The following IRF4 variants were observed in gnomAD, a reference collection of about 807,000 sequenced individuals.
IRF4 encodes the protein lymphocyte-specific interferon regulatory factor.
A neutral mutation model predicts 55.5 loss-of-function variants in IRF4; 13 were observed. That is an observed-to-expected ratio of 0.23 (90% CI 0.15 to 0.37). IRF4 has a LOEUF of 0.37. Ranked by LOEUF, IRF4 falls within the 10% of genes least tolerant of loss-of-function variation. The pLI is 1.00. For missense variants in IRF4, 397 were observed against 593.8 expected, an observed-to-expected ratio of 0.67 and a Z score of 3.44; for synonymous variants, 249 against 240.7, an observed-to-expected ratio of 1.03 and a Z score of -0.32.
chr6:408,138 G>A lies in IRF4; in HGVS notation c.*540G>A. 1 of 240,892 alleles carries A rather than the reference G, an allele frequency of 4.2e-6. No homozygotes were observed. Among genetic ancestry groups the A allele is most frequent in the Non-Finnish European group, 8.1e-6 (1 of 123,464 alleles). The allele number at this position is 240,892 out of a possible 1,614,324, so 14.9% of individuals were successfully genotyped here. A position where few individuals can be genotyped will look rare whatever the true frequency, so the allele number is the denominator to read the frequency against. On this transcript the variant is annotated 3_prime_UTR_variant, in exon 9 of 9. Coordinates refer to ENST00000380956, the MANE Select transcript of IRF4 (RefSeq NM_002460.4). ...GAAGACAGAGAAAACTTGCCTTTCAGTATTGACACTGACTAGAGTGATGAC... is the reference window on the plus strand; with the variant it reads ...GAAGACAGAGAAAACTTGCCTTTCAATATTGACACTGACTAGAGTGATGAC...
chr6:395,669 A>G (rs992778354), intron 3 of IRF4, among the ~76,000 whole-genome samples, 178 bp from the exon 4 acceptor site: 4 of 152,252 alleles, frequency 2.6e-5, no homozygotes, highest in Non-Finnish European at 5.9e-5. Flanking sequence ...GAAAAAAATC[A>G]GTTTAATAGC....
intron 1 of IRF4, among the ~76,000 whole-genome samples, chr6:392,687 T>C (rs1193571532): frequency 1.8e-5 from 2 of 109,602 alleles, no homozygotes; most frequent in Non-Finnish European, 1.9e-5. Flanking sequence ...ACTGACAGAG[T>C]CGCGGGGAAG....
At position 395,510 on chromosome 6, in the gene IRF4, A is replaced by G. The variant is rs367781015; in HGVS notation, c.404-337A>G. The stretch of plus-strand genomic sequence containing the variant: ...AGATTCTGACCAGTGTGTCTGGAAG[A>G]GAGCTCAGGAATCTGCATCTGGAAC... On this transcript the variant is annotated intron_variant, in intron 3 of 8. Coordinates refer to ENST00000380956, the MANE Select transcript of IRF4 (RefSeq NM_002460.4). Among the ~76,000 whole-genome samples the G allele has an allele frequency of 1.7e-4, 26 of 152,290 alleles. 1 individual carries two copies. Among genetic ancestry groups the G allele is most frequent in the Admixed American group, 7.2e-4 (11 of 15,294 alleles).
Position 393,254 on chromosome 6 carries a change from C to T in IRF4, c.102C>T (p.Ser34=), listed in dbSNP as rs1319408734. ...LRQWLIDQID[S]GKYPGLVWEN... ...AGTGGCTGATCGACCAGATCGACAGCGGCAAGTACCCCGGGCTGGTGTGGG... is the reference window on the plus strand; with the variant it reads ...AGTGGCTGATCGACCAGATCGACAGTGGCAAGTACCCCGGGCTGGTGTGGG... Residue 34 remains serine (S), a synonymous_variant, in exon 2 of 9, where the codon AGC becomes AGT. Transcript: ENST00000380956. This position sits in a 1 kb window ranked among gnomAD's most constrained non-coding sequence, Gnocchi z 5.4. The T allele has an allele frequency of 8.2e-6, 13 of 1,590,152 alleles. No individual in the cohort carries two copies. The highest frequency in any genetic ancestry group is 1.1e-5 in the Non-Finnish European group (13 of 1,168,392).
Position 407,694 on chromosome 6 carries a change from A to T in IRF4, c.*96A>T. ...TGCTCTGTCTCCCAGGCTGGAGTGC[A>T]GTGACACAATCTCAGCTCACTGTGA... On this transcript the variant is annotated 3_prime_UTR_variant, in exon 9 of 9. Coordinates refer to ENST00000380956, the MANE Select transcript of IRF4 (RefSeq NM_002460.4). The T allele has an allele frequency of 3.5e-6, 4 of 1,153,756 alleles. No individual in the cohort carries two copies. Among genetic ancestry groups the T allele is most frequent in the Non-Finnish European group, 1.2e-6 (1 of 824,798 alleles). 71.5% of individuals were successfully genotyped at this position (1,153,756 alleles called of 1,614,324 possible).
rs1036909891 is a variant in IRF4 at position 408,257 on chromosome 6, G to A, written c.*659G>A. 1 of 232,218 alleles carries A rather than the reference G, an allele frequency of 4.3e-6. No individual in the cohort carries two copies. Among genetic ancestry groups the A allele is most frequent in the African/African-American group, 2.2e-5 (1 of 45,262 alleles). 14.4% of individuals were successfully genotyped at this position (232,218 alleles called of 1,614,324 possible). A position where few individuals can be genotyped will look rare whatever the true frequency, so the allele number is the denominator to read the frequency against. On this transcript the variant is annotated 3_prime_UTR_variant, in exon 9 of 9. Transcript: ENST00000380956. ...AAGAAATGTATTAATGTATGTAGGAGCTGCAGTTCTTGTGGAAGACACTTG... is the reference window on the plus strand; with the variant it reads ...AAGAAATGTATTAATGTATGTAGGAACTGCAGTTCTTGTGGAAGACACTTG...
intron 1 of IRF4, among the ~76,000 whole-genome samples, chr6:392,233 G>A (rs1684660841): frequency 6.6e-6 from 1 of 152,256 alleles, no homozygotes; most frequent in South Asian, 2.1e-4. Flanking sequence ...CGTTCCTAAG[G>A]GGCCCAAGCT....
At position 400,254 on chromosome 6, in the gene IRF4, G is replaced by A. The variant is rs115871680; in HGVS notation, c.746-1170G>A. Among the ~76,000 whole-genome samples, 1,504 of 152,260 alleles carry A rather than the reference G, an allele frequency of 9.9e-3. 27 individuals carry two copies. Among genetic ancestry groups the A allele is most frequent in the African/African-American group, 0.034 (1,412 of 41,552 alleles). ...TTATCAGCCATGAGCACATTTATTAGATAACTGTGATTCCCATTGATTTTG... is the reference window on the plus strand; with the variant it reads ...TTATCAGCCATGAGCACATTTATTAAATAACTGTGATTCCCATTGATTTTG... On this transcript the variant is annotated intron_variant, in intron 6 of 8. Transcript: ENST00000380956.
At chr6:398,355 T>C (rs1308133998) in intron 5 of IRF4, among the ~76,000 whole-genome samples, 1 of 152,240 alleles carries the variant, frequency 6.6e-6, no homozygotes, top group Non-Finnish European at 1.5e-5. Context: ...TCATGTTTCA[T>C]ACAACATTGT....
At chr6:392,428 C>T (rs1761130285) in intron 1 of IRF4, among the ~76,000 whole-genome samples, 2 of 152,266 alleles carry the variant, frequency 1.3e-5, no homozygotes, top group African/African-American at 4.8e-5. Context: ...GGGCCTGCTC[C>T]GGGGTCCGGC....
chr6:392,483 C>A (rs113328259), intron 1 of IRF4, among the ~76,000 whole-genome samples: 3,274 of 152,366 alleles, frequency 0.021, 103 homozygotes, highest in African/African-American at 0.073. Flanking sequence ...CTGCAGCCCC[C>A]GCGTCTGCGC....
chr6:401,844 C>A, intron 7 of IRF4, 67 bp downstream of exon 7: 1 of 1,432,594 alleles, frequency 7.0e-7, no homozygotes, highest in Non-Finnish European at 9.7e-7. Flanking sequence ...GGTCAGAAAC[C>A]ACAGGGTCCC....
intron 6 of IRF4, 58 bp downstream of exon 6, chr6:398,993 C>G: frequency 8.0e-7 from 1 of 1,256,052 alleles, no homozygotes; most frequent in Non-Finnish European, 1.1e-6. Flanking sequence ...GCTGCCAGCT[C>G]TGTCATCTTT....
intron 8 of IRF4, 118 bp from the exon 9 acceptor site, chr6:407,337 T>G: frequency 2.2e-6 from 2 of 922,786 alleles, no homozygotes; most frequent in Non-Finnish European, 3.2e-6. Context: ...TGTTTTGATG[T>G]GTTCTAGGAT....
intron 6 of IRF4, among the ~76,000 whole-genome samples, chr6:400,718 G>A (rs1023713400): frequency 1.3e-5 from 2 of 151,658 alleles, no homozygotes. Context: ...ATGTGTGTAT[G>A]TGAGTGTGTT....
At chr6:406,105 C>A (rs1761536472) in intron 8 of IRF4, among the ~76,000 whole-genome samples, 1 of 152,184 alleles carries the variant, frequency 6.6e-6, no homozygotes, top group South Asian at 2.1e-4. Flanking sequence ...TATATAATCC[C>A]ATAGACTCAG....
Position 409,537 on chromosome 6 carries a change from GC to G in IRF4, c.*1941del, listed in dbSNP as rs1214022768. 1 of 219,188 alleles carries G rather than the reference GC, an allele frequency of 4.6e-6. No individual in the cohort carries two copies. Among genetic ancestry groups the G allele is most frequent in the Admixed American group, 5.8e-5 (1 of 17,294 alleles). The allele number at this position is 219,188 out of a possible 1,614,324, so 13.6% of individuals were successfully genotyped here. A position where few individuals can be genotyped will look rare whatever the true frequency, so the allele number is the denominator to read the frequency against. ...AAGATTTACCTCGTTCTGCTCAGAG[GC>G]CTTGCTGTGGAGCTCCACTGCCATG... On this transcript the variant is annotated 3_prime_UTR_variant, in exon 9 of 9. Transcript: ENST00000380956.
chr6:394,083 C>T (rs978389229), intron 2 of IRF4, among the ~76,000 whole-genome samples: 14 of 152,194 alleles, frequency 9.2e-5, no homozygotes, highest in Non-Finnish European at 1.9e-4. Flanking sequence ...CGTGTCTGGG[C>T]CCAGCCCCCA....
chr6:398,780 G>T (rs763840464), intron 5 of IRF4, 48 bp from the exon 6 acceptor site: 1 of 1,433,386 alleles, frequency 7.0e-7, no homozygotes, highest in African/African-American at 1.4e-5. Context: ...CCCGCGGTGC[G>T]TCGGACTCTC....
Sources: allele counts gnomAD v4.1 joint callset (sites outside exome capture counted in the v4.1 genomes callset), GRCh38; gene constraint gnomAD v4.1.1; non-coding constraint Gnocchi (gnomAD v3.1); transcripts MANE v1.5; gene names NCBI Gene and HGNC (gene_info 2026-07-23, HGNC 2026-07-21).